Variants in CIP2A observed in about 807,000 individuals in gnomAD.
CIP2A encodes the protein protein CIP2A.
In CIP2A, 103 loss-of-function variants were observed where a neutral mutation model predicts 110.9. The observed-to-expected ratio is 0.93, with a 90% CI of 0.79 to 1.09. The LOEUF is 1.09. CIP2A is among the 50% of genes least tolerant of loss of function. The pLI, the probability that CIP2A is intolerant of heterozygous loss-of-function variation, is 0.00. For missense variants in CIP2A, 1,088 were observed against 1,038.4 expected (o/e 1.05, Z -0.66); for synonymous variants, 381 against 361.6 (o/e 1.05, Z -0.61).
At chr3:108,551,405 T>G (rs920216530) in intron 20 of CIP2A, 86 bp from the exon 21 acceptor site, 1 of 914,344 alleles carries the variant, frequency 1.1e-6, no homozygotes, top group Non-Finnish European at 1.6e-6. Context: ...TTAAGATGCT[T>G]TTATTTTTTA....
intron 12 of CIP2A, among the ~76,000 whole-genome samples, 197 bp downstream of exon 12, chr3:108,565,158 T>G (rs923821253): frequency 6.6e-6 from 1 of 151,872 alleles, no homozygotes; most frequent in Non-Finnish European, 1.5e-5. Context: ...AGCACTTATG[T>G]TCAATTCCTG....
chr3:108,571,447 T>C (rs973934233), intron 8 of CIP2A, among the ~76,000 whole-genome samples: 1 of 152,204 alleles, frequency 6.6e-6, no homozygotes, highest in South Asian at 2.1e-4. Flanking sequence ...AATGTCATTA[T>C]GTAATGCATG....
intron 1 of CIP2A, among the ~76,000 whole-genome samples, chr3:108,586,352 ACC>A (rs201215367): frequency 0.036 from 5,535 of 152,238 alleles, 332 homozygotes; most frequent in African/African-American, 0.12. Context: ...TGTGGGCATT[ACC>A]CTGTTGCTTA....
chr3:108,565,236 CT>C (rs748858617), intron 12 of CIP2A, 118 bp downstream of exon 12: 4 of 571,234 alleles, frequency 7.0e-6, no homozygotes, highest in Non-Finnish European at 1.2e-5. Context: ...TTTAAACTTT[CT>C]TCTCATTGCC....
intron 10 of CIP2A, 65 bp downstream of exon 10, chr3:108,568,090 T>G: frequency 8.2e-7 from 1 of 1,218,432 alleles, no homozygotes. Context: ...ATGCAGTGAA[T>G]GCAATACTAG....
At chr3:108,578,333 A>T (rs1938751481) in intron 7 of CIP2A, among the ~76,000 whole-genome samples, 1 of 152,218 alleles carries the variant, frequency 6.6e-6, no homozygotes, top group South Asian at 2.1e-4. Flanking sequence ...ACAACAGATG[A>T]AGAGAAGGCA....
At position 108,559,741 on chromosome 3, in the gene CIP2A, T is replaced by A. The variant is rs372428082; in HGVS notation, c.2013+16A>T. On this transcript the variant is annotated intron_variant, in intron 16 of 20. Transcript: ENST00000295746. ...AATTTTTCTACAAATCAGATGTGTC[T>A]TTATATTCTACACACCTCTGTTTCA... 175 of 1,453,556 alleles carry A rather than the reference T, an allele frequency of 1.2e-4. No homozygotes were observed. In the African/African-American group the frequency reaches 2.1e-3, roughly 17 times the overall value. The allele number at this position is 1,453,556 out of a possible 1,614,324, so 90.0% of individuals were successfully genotyped here. A position where few individuals can be genotyped will look rare whatever the true frequency, so the allele number is the denominator to read the frequency against.
At position 108,567,158 on chromosome 3, in the gene CIP2A, G is replaced by A. The variant is rs1026655077; in HGVS notation, c.1274-520C>T. On this transcript the variant is annotated intron_variant, in intron 10 of 20. Coordinates refer to ENST00000295746, the MANE Select transcript of CIP2A (RefSeq NM_020890.3). ...CAATCACAAACAAAAAAGCCAACAT[G>A]CAAACACACACCACCTAATGATTTC... Among the ~76,000 whole-genome samples, 16 of 151,544 alleles carry A rather than the reference G, an allele frequency of 1.1e-4. 1 individual carries two copies. Among genetic ancestry groups the A allele is most frequent in the Admixed American group, 9.2e-4 (14 of 15,160 alleles).
chr3:108,552,326 G>A lies in CIP2A; in HGVS notation c.2455C>T (p.Gln819Ter). ...KVQEEKIKTLQKEREDKEETI... is the reference protein window; with the variant it reads ...KVQEEKIKTL ...TCTTCCTTATCTTCCCTTTCCTTTT[G>A]TAAGGTTTTAATCTTTTCTTCTTGT... The change falls in exon 20 of 21, where the codon CAA becomes TAA. Residue 819 changes from glutamine (Q) to a stop codon, truncating the protein, a stop_gained. Coordinates refer to ENST00000295746, the MANE Select transcript of CIP2A (RefSeq NM_020890.3). LOFTEE classifies it high-confidence loss of function. The A allele has an allele frequency of 6.5e-7, 1 of 1,549,520 alleles. No homozygotes were observed. The highest frequency in any genetic ancestry group is 2.0e-5 in the Admixed American group (1 of 49,526).
At chr3:108,573,505 T>C (rs188804626) in intron 8 of CIP2A, among the ~76,000 whole-genome samples, 60 of 152,118 alleles carry the variant, frequency 3.9e-4, no homozygotes, top group Admixed American at 3.0e-3. Context: ...ACCCATAGAA[T>C]GCTTCTACTC....
In CIP2A at chr3:108,551,252, T is replaced by C. The variant is rs904590696; in HGVS notation, c.2615A>G (p.Lys872Arg). 6.2e-7 allele frequency: 1 copy of C among 1,612,568 alleles called. No homozygotes were observed. The highest frequency in any genetic ancestry group is 1.3e-5 in the African/African-American group (1 of 74,860). ...TTTGTTCAATTCCTCTTGCTGAAGT[T>C]TCACCAAGGACTCTTTCTCTTCCAA... ...GRLEEKESLV[K>R]LQQEELNKHS... Residue 872 changes from lysine (K) to arginine (R), a missense_variant, in exon 21 of 21, where the codon AAA (lysine) becomes AGA (arginine). Coordinates refer to ENST00000295746, the MANE Select transcript of CIP2A (RefSeq NM_020890.3).
chr3:108,575,085 C>G (rs16854712), intron 8 of CIP2A: 1,691 of 152,232 alleles, frequency 0.011, 8 homozygotes, highest in Non-Finnish European at 0.017. Flanking sequence ...GTAATGTCCC[C>G]TTATTCATGC....
At chr3:108,565,148 A>G (rs1010184792) in intron 12 of CIP2A, among the ~76,000 whole-genome samples, 1 of 151,876 alleles carries the variant, frequency 6.6e-6, no homozygotes, top group Admixed American at 6.6e-5. Context: ...TAGTGTCATG[A>G]GCACTTATGT....
rs751952551 is a variant in CIP2A, at chr3:108,582,990, G to C, written c.344C>G (p.Ser115Trp). 2 of 1,607,294 alleles carry C rather than the reference G, an allele frequency of 1.2e-6. No individual in the cohort carries two copies. Among genetic ancestry groups the C allele is most frequent in the Non-Finnish European group, 8.5e-7 (1 of 1,175,654 alleles). Residue 115 changes from serine (S) to tryptophan (W), a missense_variant, in exon 3 of 21, where the codon TCG (serine) becomes TGG (tryptophan). Physicochemically the swap from Ser to Trp is radical, Grantham distance 177. Coordinates refer to ENST00000295746, the MANE Select transcript of CIP2A (RefSeq NM_020890.3). ...GVVCRSSHTD[S>W]VFLQCIQLLQ... Reference sequence around the variant, plus strand: ...GGGTCTGTATACCTGCAAAAACACCGAATCAGTGTGGCTGCTCCGACAAAC... The same window carrying C: ...GGGTCTGTATACCTGCAAAAACACCCAATCAGTGTGGCTGCTCCGACAAAC...
intron 2 of CIP2A, among the ~76,000 whole-genome samples, chr3:108,583,629 C>T (rs1041738073): frequency 6.6e-6 from 1 of 151,532 alleles, no homozygotes; most frequent in Admixed American, 6.6e-5. Context: ...GAGGGGGAGC[C>T]GTTAGTGGGG....
At chr3:108,575,516 A>G (rs1316840795) in intron 8 of CIP2A, among the ~76,000 whole-genome samples, 1 of 82,868 alleles carries the variant, frequency 1.2e-5, no homozygotes, top group South Asian at 5.0e-4. Context: ...ATATATACAC[A>G]TACATATATA....
chr3:108,558,778 C>G (rs567929940), intron 16 of CIP2A, among the ~76,000 whole-genome samples: 1 of 151,988 alleles, frequency 6.6e-6, no homozygotes, highest in Non-Finnish European at 1.5e-5. Context: ...TCAAGTGCCA[C>G]GACAAGGAAA....
chr3:108,553,447 A>G (rs1404311858), intron 19 of CIP2A, among the ~76,000 whole-genome samples: 2 of 151,918 alleles, frequency 1.3e-5, no homozygotes. Flanking sequence ...TAGCTCCTAA[A>G]TTTAAAAAAC....
rs946338024 is a variant in CIP2A, at chr3:108,551,451, T to C, written c.2548-132A>G. ...ACCATTTCAAGACATACTATAAATA[T>C]TATACTTCAGTTAATTCAATTACAT... On this transcript the variant is annotated intron_variant, in intron 20 of 20. Coordinates refer to ENST00000295746, the MANE Select transcript of CIP2A (RefSeq NM_020890.3). 2.4e-5 allele frequency: 13 copies of C among 548,242 alleles called. No homozygotes were observed. The Admixed American group carries it at 2.6e-4, about 11-fold the overall frequency. The allele number at this position is 548,242 out of a possible 1,614,324, so 34.0% of individuals were successfully genotyped here.
Sources: gnomAD v4.1 joint callset for allele counts (sites outside exome capture counted in the v4.1 genomes callset) on GRCh38, gnomAD v4.1.1 for gene constraint, MANE v1.5 for transcripts, NCBI Gene and HGNC (gene_info 2026-07-23, HGNC 2026-07-21) for gene names.